PCDH11X: variants seen among roughly 807,000 people sequenced by gnomAD.
PCDH11X encodes the protein protocadherin-11 X-linked.
Under a neutral mutation model 53.3 loss-of-function variants are expected in PCDH11X, and 18 were observed. The observed-to-expected ratio is 0.34, with a 90% CI of 0.23 to 0.50. The LOEUF (loss-of-function observed/expected upper bound fraction) is 0.50, where lower values mean the gene tolerates loss of function less well. PCDH11X is among the 20% of genes least tolerant of loss of function. PCDH11X has a pLI of 0.98. For missense variants in PCDH11X, 570 were observed against 1,032.4 expected (o/e 0.55, Z 6.14); for synonymous variants, 279 against 393.3 (o/e 0.71, Z 3.44).
rs1278455340 is a variant in PCDH11X at position 91,955,019 on chromosome X, AT to A, written c.3033+75747del. Among the ~76,000 whole-genome samples the A allele has an allele frequency of 7.2e-5, 8 of 110,813 alleles. No homozygotes were observed. In the Admixed American group the frequency reaches 7.7e-4, roughly 11 times the overall value. On this transcript the variant is annotated intron_variant, in intron 6 of 10. Transcript: ENST00000682573. ...TTGCTTTTGGCATTTTCATCATGAA[AT>A]CTTTGCTTGCACCTATGTCCTAAAT...
intron 6 of PCDH11X, among the ~76,000 whole-genome samples, chrX:92,162,349 G>A (rs1376901829): frequency 9.1e-6 from 1 of 109,810 alleles, no homozygotes; most frequent in Non-Finnish European, 1.9e-5. Flanking sequence ...GCACCACCAT[G>A]TCTGGCTAAT....
In PCDH11X at chrX:91,987,681, C is replaced by G. The variant is rs189462019; in HGVS notation, c.3033+108408C>G. Among the ~76,000 whole-genome samples, 229 of 110,992 alleles carry G rather than the reference C, an allele frequency of 2.1e-3. 1 individual carries two copies. The highest frequency in any genetic ancestry group is 6.7e-3 in the African/African-American group (206 of 30,608). ...ATGTTAGGAATTTTATGGAAACACTCATTTTCATTTTGAGAAATACAACAA... is the reference window on the plus strand; with the variant it reads ...ATGTTAGGAATTTTATGGAAACACTGATTTTCATTTTGAGAAATACAACAA... On this transcript the variant is annotated intron_variant, in intron 6 of 10. Transcript: ENST00000682573.
intron 6 of PCDH11X, among the ~76,000 whole-genome samples, chrX:91,950,515 A>G (rs991381723): frequency 1.0e-4 from 10 of 99,846 alleles, no homozygotes; most frequent in Non-Finnish European, 1.6e-4. Context: ...TTAGTATGCT[A>G]TGGTGTATAC....
Position 92,428,238 on chromosome X carries a change from A to AT in PCDH11X, c.3344-40060dup, listed in dbSNP as rs756781974. Among the ~76,000 whole-genome samples, 221 of 111,261 alleles carry AT rather than the reference A, an allele frequency of 2.0e-3. 1 individual carries two copies. The highest frequency in any genetic ancestry group is 3.2e-3 in the Non-Finnish European group (169 of 52,974). ...TAAATTGAACTGTGCAACTGTGTCC[A>AT]TAACAGGCTGAGTGATGTAGCAGTT... On this transcript the variant is annotated intron_variant, in intron 9 of 10. Transcript: ENST00000682573.
At chrX:92,258,571 G>A in intron 7 of PCDH11X, among the ~76,000 whole-genome samples, 1 of 110,079 alleles carries the variant, frequency 9.1e-6, no homozygotes, top group East Asian at 2.9e-4. Flanking sequence ...GTTTCACTGT[G>A]TTAGCCAGGA....
At chrX:91,962,300 A>G (rs1292666943) in intron 6 of PCDH11X, among the ~76,000 whole-genome samples, 1 of 112,379 alleles carries the variant, frequency 8.9e-6, no homozygotes, top group African/African-American at 3.2e-5. Context: ...GTATTGGGTA[A>G]ATACATCCAT....
chrX:92,361,068 A>G (rs1483542013), intron 8 of PCDH11X, among the ~76,000 whole-genome samples: 2 of 110,165 alleles, frequency 1.8e-5, no homozygotes, highest in Non-Finnish European at 3.8e-5. Context: ...GTCACTCACA[A>G]TTTGCCAGGT....
intron 6 of PCDH11X, among the ~76,000 whole-genome samples, chrX:92,076,991 C>T (rs1419809296): frequency 7.4e-4 from 83 of 111,568 alleles, no homozygotes; most frequent in African/African-American, 2.5e-3. Flanking sequence ...TTCTGAGTTC[C>T]AAAACACTGA....
At chrX:92,222,348 A>G (rs183749491) in intron 7 of PCDH11X, among the ~76,000 whole-genome samples, 2 of 111,981 alleles carry the variant, frequency 1.8e-5, no homozygotes, top group Admixed American at 1.9e-4. Flanking sequence ...AAAAGAAAAA[A>G]TACTACAACA....
intron 5 of PCDH11X, among the ~76,000 whole-genome samples, chrX:91,851,501 C>T (rs892785326): frequency 2.7e-5 from 3 of 111,254 alleles, no homozygotes; most frequent in Non-Finnish European, 5.7e-5. Flanking sequence ...AGTAGGTGTA[C>T]GTATTTGTGG....
chrX:91,990,080 C>G (rs1268770378), intron 6 of PCDH11X, among the ~76,000 whole-genome samples: 1 of 110,327 alleles, frequency 9.1e-6, no homozygotes, highest in African/African-American at 3.3e-5. Flanking sequence ...ATGGTCCTCT[C>G]CATTCTGCTG....
At chrX:91,984,568 A>G (rs1254523700) in intron 6 of PCDH11X, among the ~76,000 whole-genome samples, 1 of 109,423 alleles carries the variant, frequency 9.1e-6, no homozygotes, top group African/African-American at 3.3e-5. Context: ...CCTCCTAGAC[A>G]AGTTTTGAGT....
In PCDH11X at chrX:92,250,523, A is replaced by T. The variant is rs60307571; in HGVS notation, c.3115-12591A>T. Among the ~76,000 whole-genome samples, 193 of 108,406 alleles carry T rather than the reference A, an allele frequency of 1.8e-3. 1 individual carries two copies. The highest frequency in any genetic ancestry group is 6.1e-3 in the African/African-American group (184 of 30,200). 94.1% of individuals were successfully genotyped at this position (108,406 alleles called of 115,157 possible). On this transcript the variant is annotated intron_variant, in intron 7 of 10. Coordinates refer to ENST00000682573, the MANE Select transcript of PCDH11X (RefSeq NM_032968.5). ...TTTTTAATTTATAGCAGCATTATTCATAATGGCTAAATGTGCAAACAACTC... is the reference window on the plus strand; with the variant it reads ...TTTTTAATTTATAGCAGCATTATTCTTAATGGCTAAATGTGCAAACAACTC...
intron 9 of PCDH11X, among the ~76,000 whole-genome samples, chrX:92,418,991 G>C (rs994511949): frequency 9.5e-6 from 1 of 105,459 alleles, no homozygotes; most frequent in African/African-American, 3.4e-5. Flanking sequence ...GTACTGTGTA[G>C]AAGTGTTTGT....
chrX:92,054,591 C>A (rs1471512367), intron 6 of PCDH11X, among the ~76,000 whole-genome samples: 1 of 110,948 alleles, frequency 9.0e-6, no homozygotes, highest in Non-Finnish European at 1.9e-5. Flanking sequence ...GAGGCCCAGG[C>A]AGGCAGATCA....
At chrX:92,571,572 A>T (rs1206516533) in intron 10 of PCDH11X, among the ~76,000 whole-genome samples, 1 of 107,428 alleles carries the variant, frequency 9.3e-6, no homozygotes, top group African/African-American at 3.4e-5. Context: ...TGCGTTCTTT[A>T]TTAACTATTT....
chrX:92,556,183 GCCAAA>G (rs1216916580), intron 10 of PCDH11X, among the ~76,000 whole-genome samples: 4 of 110,844 alleles, frequency 3.6e-5, no homozygotes, highest in Non-Finnish European at 5.7e-5. Flanking sequence ...TGGAGACACA[GCCAAA>G]CCACACAATT....
intron 10 of PCDH11X, among the ~76,000 whole-genome samples, chrX:92,534,870 A>T (rs1273512698): frequency 8.9e-6 from 1 of 111,777 alleles, no homozygotes. Context: ...TTTTGTCACC[A>T]CCAGGCCTGC....
intron 8 of PCDH11X, among the ~76,000 whole-genome samples, chrX:92,264,805 T>G (rs2067789866): frequency 9.1e-6 from 1 of 109,833 alleles, no homozygotes; most frequent in African/African-American, 3.3e-5. Context: ...GTCATGACAT[T>G]TCAACATAAA....
Sources: gnomAD v4.1 joint callset for allele counts (sites outside exome capture counted in the v4.1 genomes callset) on GRCh38, gnomAD v4.1.1 for gene constraint, MANE v1.5 for transcripts, NCBI Gene and HGNC (gene_info 2026-07-23, HGNC 2026-07-21) for gene names.